Variants in DPP6 observed in about 807,000 individuals in gnomAD.
DPP6 encodes the protein A-type potassium channel modulatory protein DPP6.
DPP6 carries 69 observed loss-of-function variants against 122.6 expected under a neutral mutation model. The observed-to-expected ratio is 0.56, with a 90% confidence interval of 0.46 to 0.69. The LOEUF is 0.69. DPP6 is among the 30% of genes least tolerant of loss of function. The pLI, the probability that DPP6 is intolerant of heterozygous loss-of-function variation, is 0.00. For synonymous variants in DPP6, 418 were observed against 433.1 expected (o/e 0.97, Z 0.43); for missense variants, 928 against 1,116.9 (o/e 0.83, Z 2.41).
chr7:154,821,422 G>A lies in DPP6; in HGVS notation c.1666+14310G>A, dbSNP rs1182525275. 6.6e-6 allele frequency among the ~76,000 whole-genome samples: 1 copy of A among 151,680 alleles called. No individual in the cohort carries two copies. Among genetic ancestry groups the A allele is most frequent in the Non-Finnish European group, 1.5e-5 (1 of 67,972 alleles). ...TGGATAGACAGATAATAGATGAGAG[G>A]GAAATGACTGACCGATTGATTGGCA... On this transcript the variant is annotated intron_variant, in intron 16 of 25. Coordinates refer to ENST00000377770, the MANE Select transcript of DPP6 (RefSeq NM_130797.4). The surrounding 1 kb of genome is among the most constrained non-coding windows in gnomAD (Gnocchi z 4.2).
intron 7 of DPP6, among the ~76,000 whole-genome samples, chr7:154,702,570 A>G (rs1840585895): frequency 6.6e-6 from 1 of 152,246 alleles, no homozygotes; most frequent in African/African-American, 2.4e-5. Context: ...AACCAGATAC[A>G]GTATTCCCTG....
At chr7:154,822,683 C>T (rs981824063) in intron 16 of DPP6, among the ~76,000 whole-genome samples, 12 of 152,160 alleles carry the variant, frequency 7.9e-5, no homozygotes, top group Non-Finnish European at 1.6e-4. Context: ...CCCCCAACGA[C>T]TTCATCCACA....
chr7:154,763,725 C>G (rs1450163633), intron 8 of DPP6, among the ~76,000 whole-genome samples: 1 of 152,216 alleles, frequency 6.6e-6, no homozygotes, highest in African/African-American at 2.4e-5. Context: ...TTCAATTTCC[C>G]CAGAGAACCC....
chr7:154,683,349 C>T lies in DPP6; in HGVS notation c.762+13908C>T, dbSNP rs186931237. 2.1e-4 allele frequency among the ~76,000 whole-genome samples: 32 copies of T among 152,326 alleles called. No homozygotes were observed. In the East Asian group the frequency reaches 6.2e-3, roughly 29 times the overall value. On this transcript the variant is annotated intron_variant, in intron 7 of 25. Transcript: ENST00000377770. The stretch of plus-strand genomic sequence containing the variant: ...AAACTCACTATTGTTTCTGCCAAAG[C>T]TCTGCCCTGTAAGTGGTACCACCAT...
At chr7:154,299,386 A>G (rs1016781608) in intron 1 of DPP6, among the ~76,000 whole-genome samples, 4 of 152,210 alleles carry the variant, frequency 2.6e-5, no homozygotes, top group Admixed American at 2.6e-4. Flanking sequence ...TCTAGTTGAA[A>G]TGTCTGAGGT....
the DPP6 span, among the ~76,000 whole-genome samples, chr7:153,770,093 T>C: frequency 2.6e-5 from 4 of 152,164 alleles, no homozygotes; most frequent in Non-Finnish European, 1.5e-5. Context: ...AGAACCAGCC[T>C]CTGCAGTGGA....
intron 4 of DPP6, among the ~76,000 whole-genome samples, chr7:154,553,637 T>C (rs1829795777): frequency 6.6e-6 from 1 of 152,178 alleles, no homozygotes. Context: ...CTGATAGTCC[T>C]GAGAGCTGAA....
intron 1 of DPP6, among the ~76,000 whole-genome samples, chr7:154,011,631 C>T (rs1168543399): frequency 6.6e-6 from 1 of 152,160 alleles, no homozygotes; most frequent in Non-Finnish European, 1.5e-5. Context: ...CTGAAGTATT[C>T]CATCTCACTT....
chr7:154,492,073 G>A (rs534045752), intron 3 of DPP6, among the ~76,000 whole-genome samples: 3 of 152,184 alleles, frequency 2.0e-5, no homozygotes, highest in Non-Finnish European at 4.4e-5. Flanking sequence ...TGATAAAAGT[G>A]CTGCTAGGTG....
Position 154,453,913 on chromosome 7 carries a change from C to T in DPP6, c.358+7585C>T, listed in dbSNP as rs566569783. 2.0e-4 allele frequency among the ~76,000 whole-genome samples: 30 copies of T among 152,100 alleles called. No individual in the cohort carries two copies. The East Asian group carries it at 3.7e-3, about 19-fold the overall frequency. Reference sequence around the variant, plus strand: ...TATTGGATTATCTTATCATAAAGTCCCACATAATCTCAATGAAAATTGCAA... The same window carrying T: ...TATTGGATTATCTTATCATAAAGTCTCACATAATCTCAATGAAAATTGCAA... On this transcript the variant is annotated intron_variant, in intron 2 of 25. Transcript: ENST00000377770.
chr7:154,274,870 T>C (rs775210268), intron 1 of DPP6, among the ~76,000 whole-genome samples: 2 of 152,220 alleles, frequency 1.3e-5, no homozygotes, highest in Non-Finnish European at 2.9e-5. Flanking sequence ...GAAAATGAAG[T>C]GGAACCTTCT....
At chr7:154,295,329 G>A (rs1805468354) in intron 1 of DPP6, among the ~76,000 whole-genome samples, 1 of 152,204 alleles carries the variant, frequency 6.6e-6, no homozygotes, top group African/African-American at 2.4e-5. Flanking sequence ...CTGAGAGTTA[G>A]AGATGGGATT....
At chr7:154,722,604 A>G (rs142512423) in intron 7 of DPP6, among the ~76,000 whole-genome samples, 1 of 152,336 alleles carries the variant, frequency 6.6e-6, no homozygotes, top group East Asian at 1.9e-4. Flanking sequence ...TGTGCAACGT[A>G]TGAGATAAAT....
chr7:154,388,818 A>G (rs1814354057), intron 1 of DPP6, among the ~76,000 whole-genome samples: 1 of 152,208 alleles, frequency 6.6e-6, no homozygotes, highest in Non-Finnish European at 1.5e-5. Context: ...TTTCAGGTGC[A>G]GAAAACATAT....
chr7:154,207,530 G>A (rs2150800220), intron 1 of DPP6, among the ~76,000 whole-genome samples: 1 of 152,322 alleles, frequency 6.6e-6, no homozygotes, highest in Non-Finnish European at 1.5e-5. Context: ...CACCTCTGAA[G>A]ACCAGAGGCA....
rs1011318166 is a variant in DPP6 at position 154,877,136 on chromosome 7, C to T, written c.2078+1036C>T. ...TCAACTGACTTTGAAAACATTTCTC[C>T]TCATTTTGAAAAAGATTGACGGCCC... is the stretch of plus-strand genomic sequence containing the variant. On this transcript the variant is annotated intron_variant, in intron 20 of 25. Transcript: ENST00000377770. This position sits in a 1 kb window ranked among gnomAD's most constrained non-coding sequence, Gnocchi z 5.2. 1 of 152,160 alleles carries T rather than the reference C, an allele frequency of 6.6e-6. No individual in the cohort carries two copies. The highest frequency in any genetic ancestry group is 2.4e-5 in the African/African-American group (1 of 41,418). 9.4% of individuals were successfully genotyped at this position (152,160 alleles called of 1,614,324 possible). A position where few individuals can be genotyped will look rare whatever the true frequency, so the allele number is the denominator to read the frequency against.
chr7:153,815,400 G>T, the DPP6 span, among the ~76,000 whole-genome samples: 1 of 151,958 alleles, frequency 6.6e-6, no homozygotes, highest in Non-Finnish European at 1.5e-5. Context: ...TAAGTTTTAG[G>T]GTACATGTGC....
chr7:154,184,595 C>T (rs913334595), intron 1 of DPP6, among the ~76,000 whole-genome samples: 4 of 151,290 alleles, frequency 2.6e-5, no homozygotes, highest in Non-Finnish European at 4.4e-5. Context: ...CCAAAGTGCC[C>T]GGAGTGAACA....
chr7:153,912,398 G>A (rs1800131280), intron 1 of DPP6, among the ~76,000 whole-genome samples: 1 of 152,150 alleles, frequency 6.6e-6, no homozygotes, highest in African/African-American at 2.4e-5. Flanking sequence ...AGATGCAGCT[G>A]GAGTTGCACT....
Sources: allele counts gnomAD v4.1 joint callset (sites outside exome capture counted in the v4.1 genomes callset), GRCh38; gene constraint gnomAD v4.1.1; non-coding constraint Gnocchi (gnomAD v3.1); transcripts MANE v1.5; gene names NCBI Gene and HGNC (gene_info 2026-07-23, HGNC 2026-07-21).